Variants in DNMBP observed in about 807,000 individuals in gnomAD.
DNMBP encodes the protein dynamin-binding protein.
In DNMBP, 87 loss-of-function variants were observed where a neutral mutation model predicts 150.0. The ratio of observed to expected loss-of-function variants is 0.58; its 90% CI spans 0.49 to 0.69. DNMBP has a LOEUF of 0.69. Among genes scored for constraint, DNMBP ranks in the 30% least tolerant of loss-of-function variants. The pLI, the probability that DNMBP is intolerant of heterozygous loss-of-function variation, is 0.00. For missense variants in DNMBP, 1,774 were observed against 1,949.0 expected, an observed-to-expected ratio of 0.91 and a Z score of 1.69; for synonymous variants, 711 against 750.4, an observed-to-expected ratio of 0.95 and a Z score of 0.86.
At chr10:99,898,596 G>T (rs1564723443) in intron 8 of DNMBP, 147 bp downstream of exon 8, 3 of 841,364 alleles carry the variant, frequency 3.6e-6, no homozygotes, top group Non-Finnish European at 5.9e-6. Context: ...GTGTTCCCTT[G>T]GGGATAAGTG....
intron 15 of DNMBP, among the ~76,000 whole-genome samples, chr10:99,882,006 C>T (rs138399155): frequency 4.6e-5 from 7 of 152,200 alleles, no homozygotes; most frequent in Non-Finnish European, 7.3e-5. Flanking sequence ...AACCCCCCAG[C>T]AGGGTCAGCA....
At chr10:99,948,730 A>C (rs2040386391) in intron 4 of DNMBP, among the ~76,000 whole-genome samples, 1 of 152,158 alleles carries the variant, frequency 6.6e-6, no homozygotes, top group Non-Finnish European at 1.5e-5. Flanking sequence ...TGGGAGGCCA[A>C]GGCAGGCGGA....
At chr10:99,971,858 TTC>T (rs368042106) in intron 2 of DNMBP, 120 bp downstream of exon 2, 9 of 965,086 alleles carry the variant, frequency 9.3e-6, no homozygotes, top group African/African-American at 8.8e-5. Flanking sequence ...CTTTCTTTCT[TTC>T]TTTTTTTTTT....
At chr10:99,926,570 G>T (rs56384589) in intron 4 of DNMBP, among the ~76,000 whole-genome samples, 5,040 of 152,294 alleles carry the variant, frequency 0.033, 128 homozygotes, top group Middle Eastern at 0.16. Flanking sequence ...TTAGGACGCC[G>T]GGAAATAAAG....
Position 99,886,349 on chromosome 10 carries a change from T to C in DNMBP, c.3569A>G (p.His1190Arg), listed in dbSNP as rs751747330. ...TNCVHGYAEAHCDFVHQALEQ... is the reference protein window; with the variant it reads ...TNCVHGYAEARCDFVHQALEQ... ...CAGAGCCTGGTGCACAAAGTCACAG[T>C]GGGCTTCAGCATAGCCGTGGACACA... is the stretch of plus-strand genomic sequence containing the variant. The change falls in exon 13 of 17, where the codon CAC (histidine) becomes CGC (arginine). Residue 1190 changes from histidine to arginine, a missense_variant. By Grantham distance (29) the His-to-Arg change is conservative. This residue lies in a region of DNMBP where 1,430 missense variants were observed against 1,492.5 expected (regional missense o/e 0.96). Coordinates refer to ENST00000324109, the MANE Select transcript of DNMBP (RefSeq NM_015221.4). 9 of 1,613,994 alleles carry C rather than the reference T, an allele frequency of 5.6e-6. No individual in the cohort carries two copies. The South Asian group carries it at 9.9e-5, about 18-fold the overall frequency.
At position 99,882,699 on chromosome 10, in the gene DNMBP, A is replaced by T. The variant is rs567982230; in HGVS notation, c.3997+1312T>A. On this transcript the variant is annotated intron_variant, in intron 15 of 16. Coordinates refer to ENST00000324109, the MANE Select transcript of DNMBP (RefSeq NM_015221.4). ...AAGTTCTGATGTTTTTGTGTCATTC[A>T]TGTTGGAGATGTAGTCATCCACCCA... Among the ~76,000 whole-genome samples the T allele has an allele frequency of 2.0e-5, 3 of 152,360 alleles. No individual in the cohort carries two copies. The South Asian group carries it at 6.2e-4, about 32-fold the overall frequency.
rs745606691 is a variant in DNMBP at position 99,969,240 on chromosome 10, G to A, written c.146-3C>T. 1.9e-6 allele frequency: 3 copies of A among 1,613,694 alleles called. No individual in the cohort carries two copies. The highest frequency in any genetic ancestry group is 2.5e-6 in the Non-Finnish European group (3 of 1,179,824). ...CACAAAACTGCTGGGGAATTGTCCTGAAAATAAAAGCAAACATATTAAATT... is the reference window on the plus strand; with the variant it reads ...CACAAAACTGCTGGGGAATTGTCCTAAAAATAAAAGCAAACATATTAAATT... On this transcript the variant is annotated splice_polypyrimidine_tract_variant and splice_region_variant and intron_variant, in intron 2 of 16. Coordinates refer to ENST00000324109, the MANE Select transcript of DNMBP (RefSeq NM_015221.4).
intron 12 of DNMBP, among the ~76,000 whole-genome samples, chr10:99,887,436 A>G (rs1279533542): frequency 1.3e-5 from 2 of 151,744 alleles, no homozygotes; most frequent in Admixed American, 1.3e-4. Context: ...CTGAGGCAGG[A>G]GAATCGCTTG....
intron 1 of DNMBP, among the ~76,000 whole-genome samples, chr10:99,988,630 G>A (rs183936586): frequency 2.0e-5 from 3 of 151,986 alleles, no homozygotes; most frequent in African/African-American, 4.8e-5. Context: ...GCAATATCTT[G>A]ATATCTCTGA....
intron 15 of DNMBP, among the ~76,000 whole-genome samples, chr10:99,880,818 G>A (rs2039355516): frequency 6.6e-6 from 1 of 152,168 alleles, no homozygotes; most frequent in South Asian, 2.1e-4. Context: ...AACCAGCCTC[G>A]GCAGCGCACG....
intron 3 of DNMBP, among the ~76,000 whole-genome samples, chr10:99,959,335 A>G (rs1049184785): frequency 2.6e-5 from 4 of 152,156 alleles, no homozygotes; most frequent in African/African-American, 7.2e-5. Flanking sequence ...AAAATACAAT[A>G]ATTAGCCAGG....
At chr10:99,968,060 G>A (rs780224854) in intron 3 of DNMBP, among the ~76,000 whole-genome samples, 1 of 152,156 alleles carries the variant, frequency 6.6e-6, no homozygotes, top group Non-Finnish European at 1.5e-5. Context: ...CACCCAGGCT[G>A]GAGTGCAGTG....
At chr10:99,991,449 C>A (rs1217506879) in intron 1 of DNMBP, among the ~76,000 whole-genome samples, 1 of 152,034 alleles carries the variant, frequency 6.6e-6, no homozygotes, top group Non-Finnish European at 1.5e-5. Context: ...CAGCCCTAGG[C>A]AAACACTAAT....
At chr10:99,891,783 G>A (rs1310410499) in intron 11 of DNMBP, among the ~76,000 whole-genome samples, 1 of 150,772 alleles carries the variant, frequency 6.6e-6, no homozygotes, top group Non-Finnish European at 1.5e-5. Context: ...TCTCTGCCCG[G>A]CCGCCCATCG....
At chr10:100,000,943 G>A (rs11190359) in intron 1 of DNMBP, among the ~76,000 whole-genome samples, 19,189 of 150,082 alleles carry the variant, frequency 0.13, 1,399 homozygotes, top group South Asian at 0.21. Context: ...GACACTGGGG[G>A]AAAAAAGAGC....
At chr10:99,894,817 G>T in intron 11 of DNMBP, 129 bp downstream of exon 11, 1 of 657,664 alleles carries the variant, frequency 1.5e-6, no homozygotes. Context: ...TCAACAAAAA[G>T]TATGATGGGG....
intron 10 of DNMBP, 82 bp from the exon 11 acceptor site, chr10:99,895,132 T>G: frequency 7.5e-6 from 6 of 801,756 alleles, no homozygotes; most frequent in South Asian, 3.4e-5. Context: ...CTTTTTTTTT[T>G]TTTTTTTTGT....
chr10:100,002,623 G>A (rs1398151853), intron 1 of DNMBP, among the ~76,000 whole-genome samples: 1 of 152,096 alleles, frequency 6.6e-6, no homozygotes, highest in Non-Finnish European at 1.5e-5. Flanking sequence ...ATGCCAGGAG[G>A]AAAAAGCTGA....
At chr10:99,902,814 G>A (rs1164299461) in intron 6 of DNMBP, among the ~76,000 whole-genome samples, 1 of 151,430 alleles carries the variant, frequency 6.6e-6, no homozygotes, top group Non-Finnish European at 1.5e-5. Flanking sequence ...TGTAATCCCA[G>A]CTACTCGGGA....
Sources: gnomAD v4.1 joint callset for allele counts (sites outside exome capture counted in the v4.1 genomes callset) on GRCh38, gnomAD v4.1.1 for gene constraint, gnomAD v4.1.1 regional missense constraint, MANE v1.5 for transcripts, NCBI Gene and HGNC (gene_info 2026-07-23, HGNC 2026-07-21) for gene names.